The following FER variants were observed in gnomAD, a reference collection of about 807,000 sequenced individuals.
FER encodes the protein FER tyrosine kinase.
In FER, 63 loss-of-function variants were observed where a neutral mutation model predicts 111.0. The observed-to-expected ratio is 0.57, with a 90% CI of 0.46 to 0.70. FER has a LOEUF of 0.70. Among genes scored for constraint, FER ranks in the 30% least tolerant of loss-of-function variants. The pLI, the probability that FER is intolerant of heterozygous loss-of-function variation, is 0.00. For synonymous variants in FER, 327 were observed against 313.9 expected (o/e 1.04, Z -0.44); for missense variants, 914 against 954.0 (o/e 0.96, Z 0.55).
Position 108,919,400 on chromosome 5 carries a change from T to C in FER, c.1236+21552T>C, listed in dbSNP as rs554017880. Among the ~76,000 whole-genome samples, 4 of 152,274 alleles carry C rather than the reference T, an allele frequency of 2.6e-5. No individual in the cohort carries two copies. The East Asian group carries it at 7.7e-4, about 29-fold the overall frequency. On this transcript the variant is annotated intron_variant, in intron 10 of 19. Coordinates refer to ENST00000281092, the MANE Select transcript of FER (RefSeq NM_005246.4). ...TCCTATTTTGGAGGGAGGGTTTTTC[T>C]AAACAAGTTTATTTAGTAGCTATTA... is the stretch of plus-strand genomic sequence containing the variant.
In FER at chr5:108,798,332, T is replaced by C. The variant is rs1756270041; in HGVS notation, c.150T>C (p.Cys50=). The change falls in exon 3 of 20, where the codon TGT becomes TGC. Residue 50 remains cysteine (C), a synonymous_variant. Transcript: ENST00000281092. ...ATGCATCTACTTTACAGAACCTTTG[T>C]AATCAAGTTGATAAGGAAAGTACTG... ...KEYASTLQNL[C]NQVDKESTVQ... is the part of the protein sequence containing the mutation. The C allele has an allele frequency of 6.2e-7, 1 of 1,614,032 alleles. No homozygotes were observed. Among genetic ancestry groups the C allele is most frequent in the Non-Finnish European group, 8.5e-7 (1 of 1,179,912 alleles).
At chr5:108,762,453 C>T (rs1751866797) in intron 1 of FER, among the ~76,000 whole-genome samples, 1 of 152,164 alleles carries the variant, frequency 6.6e-6, no homozygotes, top group Admixed American at 6.5e-5. Flanking sequence ...CTGCATGATT[C>T]CTAAAAAGTC....
At chr5:108,814,037 T>G (rs1035633004) in intron 3 of FER, among the ~76,000 whole-genome samples, 1 of 152,212 alleles carries the variant, frequency 6.6e-6, no homozygotes, top group African/African-American at 2.4e-5. Flanking sequence ...TTGTATCTTT[T>G]GACTTAATAT....
At chr5:108,839,077 A>G (rs950612629) in intron 5 of FER, among the ~76,000 whole-genome samples, 30 of 152,190 alleles carry the variant, frequency 2.0e-4, no homozygotes, top group African/African-American at 6.5e-4. Context: ...TACAAAAGGT[A>G]GTAAAGGATT....
At chr5:108,844,900 C>T (rs1761717600) in intron 5 of FER, among the ~76,000 whole-genome samples, 1 of 146,932 alleles carries the variant, frequency 6.8e-6, no homozygotes, top group Non-Finnish European at 1.5e-5. Context: ...TTTGTTTATC[C>T]ATTTTCCTGT....
chr5:108,794,644 T>C (rs1367607577), intron 2 of FER, among the ~76,000 whole-genome samples: 1 of 151,308 alleles, frequency 6.6e-6, no homozygotes, highest in East Asian at 1.9e-4. Flanking sequence ...TAAAGGATAT[T>C]TTCACCAGAT....
intron 10 of FER, among the ~76,000 whole-genome samples, chr5:108,912,563 T>C (rs916700652): frequency 5.3e-5 from 8 of 152,132 alleles, no homozygotes; most frequent in African/African-American, 1.2e-4. Context: ...GGTTTTGCCA[T>C]GTTGGCCAGG....
chr5:109,124,589 TG>T (rs1463165412), intron 17 of FER, among the ~76,000 whole-genome samples: 1,581 of 46,162 alleles, frequency 0.034, 22 homozygotes, highest in African/African-American at 0.28. Context: ...TTAATAGTTT[TG>T]TTGTTGTTGT....
rs140566427 is a variant in FER at position 108,773,070 on chromosome 5, C to T, written c.-60+4832C>T. Among the ~76,000 whole-genome samples the T allele has an allele frequency of 5.3e-5, 8 of 152,104 alleles. No homozygotes were observed. In the East Asian group the frequency reaches 1.2e-3, roughly 22 times the overall value. ...CTTTTACCTTCTTTCCGTGCTTTTGCGTTTCATAGATTTGGTAGGTTTTCT... is the reference window on the plus strand; with the variant it reads ...CTTTTACCTTCTTTCCGTGCTTTTGTGTTTCATAGATTTGGTAGGTTTTCT... On this transcript the variant is annotated intron_variant, in intron 2 of 19. Coordinates refer to ENST00000281092, the MANE Select transcript of FER (RefSeq NM_005246.4).
intron 2 of FER, among the ~76,000 whole-genome samples, chr5:108,787,381 A>G (rs1327187718): frequency 1.3e-5 from 2 of 152,134 alleles, no homozygotes; most frequent in Non-Finnish European, 2.9e-5. Flanking sequence ...TGGGACAGTC[A>G]GTTTGGGTGC....
At chr5:108,868,483 A>G (rs1350114308) in intron 6 of FER, among the ~76,000 whole-genome samples, 1 of 152,136 alleles carries the variant, frequency 6.6e-6, no homozygotes, top group African/African-American at 2.4e-5. Context: ...AGTGAGTCAA[A>G]TGGACACATG....
intron 16 of FER, among the ~76,000 whole-genome samples, chr5:109,082,668 C>G (rs1168049347): frequency 6.6e-6 from 1 of 151,732 alleles, no homozygotes; most frequent in African/African-American, 2.4e-5. Flanking sequence ...ATTAAAACCC[C>G]AAGTGTTTGT....
At chr5:109,163,719 A>G (rs1048619298) in intron 17 of FER, among the ~76,000 whole-genome samples, 3 of 152,168 alleles carry the variant, frequency 2.0e-5, no homozygotes, top group African/African-American at 7.2e-5. Flanking sequence ...GTGGGATTAC[A>G]GGCATGAGCT....
At chr5:108,974,774 C>T (rs1024508887) in intron 13 of FER, among the ~76,000 whole-genome samples, 6 of 152,110 alleles carry the variant, frequency 3.9e-5, no homozygotes, top group African/African-American at 1.4e-4. Context: ...GTTACATGGC[C>T]AAGGTCCAAG....
chr5:109,144,622 G>T (rs1234417172), intron 17 of FER, among the ~76,000 whole-genome samples: 1 of 151,994 alleles, frequency 6.6e-6, no homozygotes, highest in Non-Finnish European at 1.5e-5. Flanking sequence ...TCTTTGGTTT[G>T]GTTTGATTTT....
At chr5:108,994,265 C>T (rs1366567053) in intron 13 of FER, among the ~76,000 whole-genome samples, 2 of 152,152 alleles carry the variant, frequency 1.3e-5, no homozygotes, top group African/African-American at 4.8e-5. Context: ...AGTCTTTAAT[C>T]CATCTTGAGT....
At chr5:108,910,295 C>G (rs563669844) in intron 10 of FER, among the ~76,000 whole-genome samples, 14 of 152,084 alleles carry the variant, frequency 9.2e-5, no homozygotes, top group Non-Finnish European at 1.3e-4. Flanking sequence ...CGAACCTGCT[C>G]TCTACTCTAG....
intron 10 of FER, among the ~76,000 whole-genome samples, chr5:108,929,577 T>A (rs73780772): frequency 6.6e-6 from 1 of 151,896 alleles, no homozygotes; most frequent in East Asian, 1.9e-4. Flanking sequence ...TTTTAAGGAA[T>A]TGGGCTTACA....
rs187436615 is a variant in FER at position 108,959,956 on chromosome 5, T to G, written c.1656+609T>G. Among the ~76,000 whole-genome samples the G allele has an allele frequency of 1.9e-3, 288 of 152,230 alleles. 2 individuals carry two copies. The highest frequency in any genetic ancestry group is 6.3e-3 in the African/African-American group (260 of 41,564). ...ATGGGTATGTGGAAGTTTTGTGTTT[T>G]AAAGGTAAAATCTTTGGGACTTAAA... On this transcript the variant is annotated intron_variant, in intron 13 of 19. Transcript: ENST00000281092.
Sources: gnomAD v4.1 joint callset for allele counts (sites outside exome capture counted in the v4.1 genomes callset) on GRCh38, gnomAD v4.1.1 for gene constraint, MANE v1.5 for transcripts, NCBI Gene and HGNC (gene_info 2026-07-23, HGNC 2026-07-21) for gene names.